VAV3: variants seen among roughly 807,000 people sequenced by gnomAD.
VAV3 encodes vav guanine nucleotide exchange factor 3.
Under a neutral mutation model 131.2 loss-of-function variants are expected in VAV3, and 94 were observed. That is an observed-to-expected ratio of 0.72 (90% CI 0.61 to 0.85). The LOEUF (loss-of-function observed/expected upper bound fraction) is 0.85, where lower values mean the gene tolerates loss of function less well. Ranked by LOEUF, VAV3 falls within the 40% of genes least tolerant of loss-of-function variation. VAV3 has a pLI of 0.00. For synonymous variants in VAV3, 349 were observed against 342.0 expected (o/e 1.02, Z -0.22); for missense variants, 939 against 1,002.7 (o/e 0.94, Z 0.86).
chr1:107,576,044 T>A (rs1435234401), intron 25 of VAV3, among the ~76,000 whole-genome samples: 1 of 152,170 alleles, frequency 6.6e-6, no homozygotes, highest in African/African-American at 2.4e-5. Flanking sequence ...TGAAAATACA[T>A]AAACATTGGC....
At chr1:107,666,788 T>C (rs1264271684) in intron 19 of VAV3, among the ~76,000 whole-genome samples, 4 of 152,122 alleles carry the variant, frequency 2.6e-5, no homozygotes, top group Non-Finnish European at 5.9e-5. Flanking sequence ...CCTTAGTATA[T>C]ATTAACTCGT....
intron 3 of VAV3, among the ~76,000 whole-genome samples, chr1:107,779,054 T>C (rs896143249): frequency 1.3e-5 from 2 of 152,146 alleles, no homozygotes; most frequent in African/African-American, 4.8e-5. Context: ...CTATGAGTTA[T>C]TATGATCTAC....
At chr1:107,837,371 T>A (rs1009260441) in intron 2 of VAV3, among the ~76,000 whole-genome samples, 49 of 152,082 alleles carry the variant, frequency 3.2e-4, no homozygotes, top group African/African-American at 1.1e-3. Context: ...AAATCTAACA[T>A]CCTTTTATGA....
At chr1:107,651,032 C>T (rs1393330792) in intron 19 of VAV3, among the ~76,000 whole-genome samples, 1 of 152,106 alleles carries the variant, frequency 6.6e-6, no homozygotes, top group Non-Finnish European at 1.5e-5. Context: ...AATTAGGCCA[C>T]AAGGGTGGAG....
chr1:107,843,539 A>T (rs11185185), intron 2 of VAV3, among the ~76,000 whole-genome samples: 1 of 138,010 alleles, frequency 7.2e-6, no homozygotes, highest in East Asian at 2.1e-4. Context: ...GTGTGTGTGT[A>T]TATATATATA....
At chr1:107,881,498 G>C (rs1483621875) in intron 1 of VAV3, among the ~76,000 whole-genome samples, 1 of 152,174 alleles carries the variant, frequency 6.6e-6, no homozygotes, top group Non-Finnish European at 1.5e-5. Flanking sequence ...AAAACTCCCA[G>C]TAATTAGATG....
intron 2 of VAV3, among the ~76,000 whole-genome samples, chr1:107,788,694 T>C (rs907513125): frequency 3.9e-5 from 6 of 152,166 alleles, no homozygotes; most frequent in East Asian, 1.9e-4. Context: ...GTTTTCTAGA[T>C]AGAAATATTC....
chr1:107,757,673 T>C (rs1018188202), intron 10 of VAV3, among the ~76,000 whole-genome samples: 8 of 152,244 alleles, frequency 5.3e-5, no homozygotes, highest in Non-Finnish European at 1.0e-4. Flanking sequence ...AGCTTTTGAT[T>C]CTTTTAACTG....
chr1:107,720,396 T>TAAATAAATAAAA (rs1661416907), intron 15 of VAV3, among the ~76,000 whole-genome samples: 2 of 97,756 alleles, frequency 2.0e-5, no homozygotes, highest in Non-Finnish European at 4.1e-5. Context: ...AATAAATAAA[T>TAAATAAATAAAA]AAATAAATAA....
At chr1:107,683,557 CA>C (rs879149581) in intron 18 of VAV3, 24 bp from the exon 19 acceptor site, 1 of 1,612,750 alleles carries the variant, frequency 6.2e-7, no homozygotes, top group Admixed American at 1.7e-5. Flanking sequence ...TAAAACAAAG[CA>C]AAACAAATAT....
intron 1 of VAV3, among the ~76,000 whole-genome samples, chr1:107,907,652 T>C (rs112984919): frequency 0.031 from 4,714 of 152,124 alleles, 173 homozygotes; most frequent in African/African-American, 0.087. Flanking sequence ...TGCTCTCGTG[T>C]GCGTGCGTTC....
At chr1:107,930,868 A>C (rs1235319526) in intron 1 of VAV3, among the ~76,000 whole-genome samples, 3 of 152,208 alleles carry the variant, frequency 2.0e-5, no homozygotes, top group Admixed American at 6.5e-5. Context: ...CTTAGCAAAA[A>C]TAGGTGAATA....
At chr1:107,809,975 T>C (rs749196336) in intron 2 of VAV3, among the ~76,000 whole-genome samples, 30 of 152,234 alleles carry the variant, frequency 2.0e-4, no homozygotes, top group Non-Finnish European at 5.9e-5. Flanking sequence ...AAATGATACA[T>C]TGTAAAAACA....
At chr1:107,608,127 A>T (rs1652437162) in intron 22 of VAV3, among the ~76,000 whole-genome samples, 1 of 149,884 alleles carries the variant, frequency 6.7e-6, no homozygotes, top group Non-Finnish European at 1.5e-5. Context: ...TTGCCTGAAC[A>T]TCTTGCTTTT....
chr1:107,910,611 A>G (rs1247249841), intron 1 of VAV3, among the ~76,000 whole-genome samples: 1 of 152,204 alleles, frequency 6.6e-6, no homozygotes, highest in Admixed American at 6.5e-5. Flanking sequence ...ATCACAATGG[A>G]TTTTAAAACA....
rs1283108737 is a variant in VAV3 at position 107,605,920 on chromosome 1, TAAGACAACCACATA to T, written c.2016-2771_2016-2758del. On this transcript the variant is annotated intron_variant, in intron 22 of 26. Coordinates refer to ENST00000370056, the MANE Select transcript of VAV3 (RefSeq NM_006113.5). ...CAACCTATAGCTGCATTAATTGAATTAAGACAACCACATAATCTACCTGTTAATTTTCTCTGGAG... is the reference window on the plus strand; with the variant it reads ...CAACCTATAGCTGCATTAATTGAATTATCTACCTGTTAATTTTCTCTGGAG... 7.9e-5 allele frequency among the ~76,000 whole-genome samples: 12 copies of T among 152,336 alleles called. No homozygotes were observed. In the South Asian group the frequency reaches 2.1e-3, roughly 26 times the overall value.
intron 1 of VAV3, chr1:107,963,567 T>C (rs1350152095): frequency 2.0e-5 from 3 of 152,134 alleles, no homozygotes; most frequent in African/African-American, 7.2e-5. Flanking sequence ...GAATCACAGA[T>C]GACTGTGTGT....
intron 25 of VAV3, among the ~76,000 whole-genome samples, chr1:107,591,132 C>A (rs1239858816): frequency 3.9e-5 from 6 of 152,106 alleles, no homozygotes; most frequent in Non-Finnish European, 5.9e-5. Context: ...TTGGCCACCA[C>A]CCCACACCCT....
chr1:107,675,456 C>G (rs1658135084), intron 19 of VAV3, among the ~76,000 whole-genome samples: 1 of 152,090 alleles, frequency 6.6e-6, no homozygotes, highest in African/African-American at 2.4e-5. Flanking sequence ...ACTGTAGAAC[C>G]CTCAGTCTAT....
Sources: allele counts gnomAD v4.1 joint callset (sites outside exome capture counted in the v4.1 genomes callset), GRCh38; gene constraint gnomAD v4.1.1; transcripts MANE v1.5; gene names NCBI Gene and HGNC (gene_info 2026-07-23, HGNC 2026-07-21).